Variants in RELN observed in about 807,000 individuals in gnomAD.
RELN encodes reelin.
In RELN, 108 loss-of-function variants were observed where a neutral mutation model predicts 427.6. The observed-to-expected ratio is 0.25, with a 90% confidence interval of 0.22 to 0.30. The LOEUF is 0.30. RELN is among the 10% of genes least tolerant of loss of function. RELN has a pLI of 1.00. For synonymous variants in RELN, 1,524 were observed against 1,513.4 expected, an observed-to-expected ratio of 1.01 and a Z score of -0.16; for missense variants, 3,715 against 4,302.8, an observed-to-expected ratio of 0.86 and a Z score of 3.82.
intron 11 of RELN, among the ~76,000 whole-genome samples, chr7:103,681,243 T>A (rs1833646556): frequency 6.6e-6 from 1 of 152,146 alleles, no homozygotes; most frequent in South Asian, 2.1e-4. Context: ...ATACTAGCCA[T>A]CTTGCCACTC....
At chr7:103,857,868 G>GA (rs563744158) in intron 2 of RELN, among the ~76,000 whole-genome samples, 5 of 151,946 alleles carry the variant, frequency 3.3e-5, no homozygotes, top group African/African-American at 1.2e-4. Flanking sequence ...GGAATTGGGG[G>GA]AAAAAAGCCA....
intron 2 of RELN, among the ~76,000 whole-genome samples, chr7:103,860,356 T>C (rs1025662060): frequency 1.3e-5 from 2 of 152,180 alleles, no homozygotes; most frequent in Non-Finnish European, 1.5e-5. Flanking sequence ...TTATATGGAA[T>C]AAGGCAGTAA....
intron 2 of RELN, among the ~76,000 whole-genome samples, chr7:103,883,424 T>G (rs888497464): frequency 2.0e-5 from 3 of 152,230 alleles, no homozygotes; most frequent in African/African-American, 7.2e-5. Flanking sequence ...TATTAGAAGT[T>G]CTGGCCAGGG....
At chr7:103,487,458 T>TA (rs11371972) in intron 60 of RELN, among the ~76,000 whole-genome samples, 14,295 of 127,986 alleles carry the variant, frequency 0.11, 1,550 homozygotes, top group African/African-American at 0.28. Flanking sequence ...GTTGTTACAG[T>TA]AAAAAAAAAA....
chr7:103,930,519 G>A (rs973576141), intron 1 of RELN, among the ~76,000 whole-genome samples: 5 of 151,962 alleles, frequency 3.3e-5, no homozygotes, highest in African/African-American at 1.2e-4. Context: ...AGACTGGAGG[G>A]CAGTGGCACA....
chr7:103,773,229 C>G lies in RELN; in HGVS notation c.544+3328G>C, dbSNP rs1171500227. On this transcript the variant is annotated intron_variant, in intron 4 of 64. Coordinates refer to ENST00000428762, the MANE Select transcript of RELN (RefSeq NM_005045.4). ...TCTCTCTCTCTCTCCCTCCCTCCCT[C>G]GCTCCCTCCCTGTCTCTCTCTCCCT... Among the ~76,000 whole-genome samples, 3 of 112,816 alleles carry G rather than the reference C, an allele frequency of 2.7e-5. 1 individual carries two copies. The highest frequency in any genetic ancestry group is 5.2e-5 in the Non-Finnish European group (3 of 57,536). 74.0% of individuals were successfully genotyped at this position (112,816 alleles called of 152,430 possible).
At chr7:103,599,867 T>C (rs1831623967) in intron 24 of RELN, among the ~76,000 whole-genome samples, 1 of 152,112 alleles carries the variant, frequency 6.6e-6, no homozygotes, top group African/African-American at 2.4e-5. Context: ...TGTGATCGGA[T>C]AGGGAAAGAA....
intron 16 of RELN, among the ~76,000 whole-genome samples, chr7:103,649,927 G>A (rs1041927730): frequency 6.6e-6 from 1 of 151,966 alleles, no homozygotes; most frequent in South Asian, 2.1e-4. Context: ...TTTAATACAT[G>A]CAGTATGATC....
intron 2 of RELN, among the ~76,000 whole-genome samples, chr7:103,861,974 A>G (rs1350406427): frequency 6.6e-6 from 1 of 152,162 alleles, no homozygotes; most frequent in Non-Finnish European, 1.5e-5. Flanking sequence ...GGAAGAAATT[A>G]AAAATAAAAA....
At chr7:103,709,128 C>CTAT (rs370891643) in intron 8 of RELN, among the ~76,000 whole-genome samples, 1 of 151,854 alleles carries the variant, frequency 6.6e-6, no homozygotes, top group African/African-American at 2.4e-5. Context: ...TACAATAATA[C>CTAT]TATTATTATT....
intron 14 of RELN, among the ~76,000 whole-genome samples, chr7:103,652,325 C>T (rs1017109156): frequency 2.0e-5 from 3 of 151,024 alleles, no homozygotes; most frequent in East Asian, 2.0e-4. Flanking sequence ...ACCTCTGATA[C>T]CTAAGATCAA....
chr7:103,844,872 G>A (rs74678655), intron 2 of RELN, among the ~76,000 whole-genome samples: 3,821 of 152,226 alleles, frequency 0.025, 149 homozygotes, highest in African/African-American at 0.088. Context: ...TGTTTCTACT[G>A]CACTCAAATA....
Position 103,503,157 on chromosome 7 carries a change from C to G in RELN, c.8348G>C (p.Gly2783Ala), listed in dbSNP as rs750720059. 6.2e-7 allele frequency: 1 copy of G among 1,614,062 alleles called. No homozygotes were observed. Among genetic ancestry groups the G allele is most frequent in the African/African-American group, 1.3e-5 (1 of 74,916 alleles). Residue 2783 changes from glycine to alanine, a missense_variant, in exon 52 of 65, where the codon GGT becomes GCT. By Grantham distance (60) the Gly-to-Ala change is moderately conservative. This residue lies in a region of RELN where 1,310 missense variants were observed against 1,643.0 expected (regional missense o/e 0.80). Transcript: ENST00000428762. ...QIHVQYSTDF[G>A]VSWNYLVPQC... The stretch of plus-strand genomic sequence containing the variant: ...AGGGACCAGATAATTCCAACTCACA[C>G]CGAAGTCAGTAGAATACTGCACATG...
intron 34 of RELN, among the ~76,000 whole-genome samples, chr7:103,562,720 C>T (rs935819000): frequency 1.3e-5 from 2 of 152,310 alleles, no homozygotes; most frequent in South Asian, 2.1e-4. Context: ...GTTTCCCCTA[C>T]ACAAGTTCTC....
intron 1 of RELN, among the ~76,000 whole-genome samples, chr7:103,947,674 C>T (rs1436351505): frequency 6.6e-6 from 1 of 152,132 alleles, no homozygotes; most frequent in Non-Finnish European, 1.5e-5. Context: ...TTACAGCAGT[C>T]CCAGCAAGTA....
rs764015748 is a variant in RELN, at chr7:103,523,458, C to T, written c.7423G>A (p.Val2475Ile). The T allele has an allele frequency of 2.7e-5, 44 of 1,613,930 alleles. No individual in the cohort carries two copies. The highest frequency in any genetic ancestry group is 6.7e-5 in the African/African-American group (5 of 74,900). Residue 2475 changes from valine to isoleucine, a missense_variant, in exon 47 of 65, where the codon GTC becomes ATC. Physicochemically the swap from Val to Ile is conservative, Grantham distance 29. Around this residue, in one of 4 missense-constraint regions of RELN, gnomAD observed 1,310 missense variants for 1,643.0 expected, o/e 0.80. Transcript: ENST00000428762. ...TCTATGCAGCCATCCCCGATATAGA[C>T]ATTATCTATTGCCCATGTCTGCTGC... ...DKQQTWAIDN[V>I]YIGDGCIDMC...
intron 1 of RELN, among the ~76,000 whole-genome samples, chr7:103,948,366 A>G (rs1796261756): frequency 6.6e-6 from 1 of 151,948 alleles, no homozygotes; most frequent in Admixed American, 6.6e-5. Context: ...ATCCTATCTC[A>G]ATTCATCTTT....
chr7:103,849,594 A>T (rs1316691612), intron 2 of RELN, among the ~76,000 whole-genome samples: 1 of 152,102 alleles, frequency 6.6e-6, no homozygotes, highest in African/African-American at 2.4e-5. Context: ...CCTTCTTCAA[A>T]CTTCATACTC....
At chr7:103,772,067 A>C (rs1791582527) in intron 4 of RELN, among the ~76,000 whole-genome samples, 2 of 152,108 alleles carry the variant, frequency 1.3e-5, no homozygotes, top group Admixed American at 1.3e-4. Flanking sequence ...TCCAGGCCTC[A>C]TGGTTTAGCT....
Sources: allele counts gnomAD v4.1 joint callset (sites outside exome capture counted in the v4.1 genomes callset), GRCh38; gene constraint gnomAD v4.1.1; regional missense constraint gnomAD v4.1.1; transcripts MANE v1.5; gene names NCBI Gene and HGNC (gene_info 2026-07-23, HGNC 2026-07-21).